The following VWF variants were observed in gnomAD, a reference collection of about 807,000 sequenced individuals.
The protein encoded by VWF is Factor VIII related antigen.
Under a neutral mutation model 308.6 loss-of-function variants are expected in VWF, and 176 were observed. That is an observed-to-expected ratio of 0.57 (90% CI 0.50 to 0.65). VWF has a LOEUF of 0.65. Among genes scored for constraint, VWF ranks in the 30% least tolerant of loss-of-function variants. VWF has a pLI of 0.00. For missense variants in VWF, 3,146 were observed against 3,648.2 expected, an observed-to-expected ratio of 0.86 and a Z score of 3.55; for synonymous variants, 1,385 against 1,443.4, an observed-to-expected ratio of 0.96 and a Z score of 0.92.
intron 20 of VWF, among the ~76,000 whole-genome samples, chr12:6,033,288 G>A (rs1944293385): frequency 6.6e-6 from 1 of 152,182 alleles, no homozygotes; most frequent in African/African-American, 2.4e-5. Flanking sequence ...AAAGGGGAGG[G>A]GCCCCAGGAC....
chr12:6,097,695 C>T (rs912026822), intron 5 of VWF, among the ~76,000 whole-genome samples: 1 of 152,134 alleles, frequency 6.6e-6, no homozygotes, highest in Non-Finnish European at 1.5e-5. Flanking sequence ...GAATAAATTT[C>T]AGTTGTTTCA....
At chr12:5,977,280 C>T (rs1490629529) in intron 42 of VWF, among the ~76,000 whole-genome samples, 6 of 152,202 alleles carry the variant, frequency 3.9e-5, no homozygotes, top group South Asian at 2.1e-4. Flanking sequence ...CAGATGCACA[C>T]GGCTGTTTGT....
At chr12:6,062,262 G>A (rs906384351) in intron 13 of VWF, among the ~76,000 whole-genome samples, 6 of 152,174 alleles carry the variant, frequency 3.9e-5, no homozygotes, top group South Asian at 2.1e-4. Context: ...GCCATGACAC[G>A]GTTGGTGGGG....
In VWF at chr12:6,064,384, A is replaced by T; in HGVS notation, c.1294T>A (p.Cys432Ser). 1 of 1,614,050 alleles carries T rather than the reference A, an allele frequency of 6.2e-7. No individual in the cohort carries two copies. The highest frequency in any genetic ancestry group is 8.5e-7 in the Non-Finnish European group (1 of 1,180,018). ...SFSIVIETVQ[C>S]ADDRDAVCTR... ...CACACAGCGTCGCGGTCATCAGCAC[A>T]CTGCCAAGAGGGAACACAGGGTGAC... The change falls in exon 12 of 52, where the codon TGT becomes AGT. Residue 432 changes from cysteine (C) to serine (S), a missense_variant and splice_region_variant. Transcript: ENST00000261405.
chr12:6,082,682 T>A (rs1944926855), intron 6 of VWF, among the ~76,000 whole-genome samples: 1 of 152,284 alleles, frequency 6.6e-6, no homozygotes, highest in Non-Finnish European at 1.5e-5. Context: ...CCAGTTTCTG[T>A]AAGTCACTTG....
chr12:5,994,320 C>G, intron 36 of VWF, 95 bp downstream of exon 36: 1 of 1,591,530 alleles, frequency 6.3e-7, no homozygotes, highest in Non-Finnish European at 8.6e-7. Flanking sequence ...GCTACTAGAC[C>G]CTGAAATATA....
At chr12:5,975,444 C>T (rs1388492161) in intron 43 of VWF, among the ~76,000 whole-genome samples, 1 of 152,196 alleles carries the variant, frequency 6.6e-6, no homozygotes, top group Non-Finnish European at 1.5e-5. Context: ...TCTGATCCAT[C>T]CTAAACATGC....
chr12:6,063,134 TG>T lies in VWF; in HGVS notation c.1433-81del. On this transcript the variant is annotated intron_variant, in intron 12 of 51. Transcript: ENST00000261405. The surrounding 1 kb of genome is among the most constrained non-coding windows in gnomAD (Gnocchi z 4.9). ...GCAGGCAGATGTATTTGGGAGGAAA[TG>T]GGGTGTCTCAAAAGGATGGTAGCAC... 1 of 1,177,484 alleles carries T rather than the reference TG, an allele frequency of 8.5e-7. No homozygotes were observed. 72.9% of individuals were successfully genotyped at this position (1,177,484 alleles called of 1,614,324 possible).
rs775479826 is a variant in VWF at position 6,044,431 on chromosome 12, G to A, written c.2302C>T (p.Arg768Trp). ...CACACCAGCTTGACCATGGGGGGCC[G>A]ACAGGATAGGCTCCTTTTGCCTCGA... Reference protein sequence around the residue: ...SHRSKRSLSCRPPMVKLVCPA... With the variant: ...SHRSKRSLSCWPPMVKLVCPA... Residue 768 changes from arginine (R) to tryptophan (W), a missense_variant, in exon 18 of 52, where the codon CGG (arginine) becomes TGG (tryptophan). By Grantham distance (101) the Arg-to-Trp change is moderately radical. This residue lies in a region of VWF where 1,304 missense variants were observed against 1,353.0 expected (regional missense o/e 0.96). Transcript: ENST00000261405. 1.1e-5 allele frequency: 18 copies of A among 1,614,142 alleles called. No individual in the cohort carries two copies. The highest frequency in any genetic ancestry group is 1.3e-5 in the Non-Finnish European group (15 of 1,180,022).
At chr12:6,110,341 A>G (rs771415827) in intron 5 of VWF, 33 bp downstream of exon 5, 2 of 1,607,208 alleles carry the variant, frequency 1.2e-6, no homozygotes, top group Non-Finnish European at 1.7e-6. Flanking sequence ...GCATGGCCAC[A>G]CTTTAGGGAA....
intron 16 of VWF, among the ~76,000 whole-genome samples, chr12:6,048,828 G>A (rs1013258951): frequency 1.1e-4 from 17 of 152,218 alleles, no homozygotes. Flanking sequence ...GAATAAACAA[G>A]AGAATCAGCC....
At chr12:6,102,740 A>G (rs968726290) in intron 5 of VWF, among the ~76,000 whole-genome samples, 4 of 152,062 alleles carry the variant, frequency 2.6e-5, no homozygotes, top group African/African-American at 9.7e-5. Flanking sequence ...TCTCAAAAAA[A>G]AAAAAAAATT....
At chr12:5,983,532 G>A (rs565053090) in intron 40 of VWF, among the ~76,000 whole-genome samples, 37 of 152,182 alleles carry the variant, frequency 2.4e-4, no homozygotes, top group African/African-American at 8.9e-4. Context: ...TAGATAGATA[G>A]ATAGATAGAT....
chr12:6,059,179 ATGT>A (rs944893798), intron 13 of VWF, among the ~76,000 whole-genome samples: 1 of 152,100 alleles, frequency 6.6e-6, no homozygotes, highest in South Asian at 2.1e-4. Flanking sequence ...CAAATACCAA[ATGT>A]TGTCACATTA....
Position 6,064,392 on chromosome 12 carries a change from G to A in VWF, c.1294-8C>T, listed in dbSNP as rs1944689197. On this transcript the variant is annotated splice_region_variant and splice_polypyrimidine_tract_variant and intron_variant, in intron 11 of 51. Coordinates refer to ENST00000261405, the MANE Select transcript of VWF (RefSeq NM_000552.5). ...GTCGCGGTCATCAGCACACTGCCAA[G>A]AGGGAACACAGGGTGACTTTGCTGC... 2 of 1,613,924 alleles carry A rather than the reference G, an allele frequency of 1.2e-6. No homozygotes were observed. The highest frequency in any genetic ancestry group is 3.3e-5 in the Admixed American group (2 of 60,008).
rs1312683059 is a variant in VWF, at chr12:6,103,410, ACACACG to A, written c.532+6958_532+6963del. Reference sequence around the variant, plus strand: ...CGTGTGTGTATACACGTGTGTGTATACACACGTGTGTGTATACACACGTGTGTATAT... The same window carrying A: ...CGTGTGTGTATACACGTGTGTGTATATGTGTGTATACACACGTGTGTATAT... On this transcript the variant is annotated intron_variant, in intron 5 of 51. Coordinates refer to ENST00000261405, the MANE Select transcript of VWF (RefSeq NM_000552.5). Among the ~76,000 whole-genome samples, 91 of 103,162 alleles carry A rather than the reference ACACACG, an allele frequency of 8.8e-4. 2 individuals are homozygous for A. In the African/African-American group the frequency reaches 9.4e-3, roughly 11 times the overall value. 67.7% of individuals were successfully genotyped at this position (103,162 alleles called of 152,430 possible).
At chr12:6,039,696 C>T (rs1437618044) in intron 18 of VWF, among the ~76,000 whole-genome samples, 2 of 151,988 alleles carry the variant, frequency 1.3e-5, no homozygotes, top group African/African-American at 4.8e-5. Context: ...TGAAACAGGC[C>T]CTTCTTTGGA....
At chr12:6,059,525 G>A (rs895601316) in intron 13 of VWF, among the ~76,000 whole-genome samples, 5 of 152,324 alleles carry the variant, frequency 3.3e-5, no homozygotes, top group Middle Eastern at 3.4e-3. Flanking sequence ...GGAAGTCCAA[G>A]ATGAAGGCAT....
At position 5,952,415 on chromosome 12, in the gene VWF, A is replaced by C; in HGVS notation, c.8091T>G (p.Asp2697Glu). The C allele has an allele frequency of 6.2e-7, 1 of 1,614,122 alleles. No individual in the cohort carries two copies. Among genetic ancestry groups the C allele is most frequent in the South Asian group, 1.1e-5 (1 of 91,090 alleles). Residue 2697 changes from aspartate (D) to glutamate (E), a missense_variant, in exon 49 of 52, where the codon GAT becomes GAG. Asp to Glu is a conservative substitution (Grantham distance 45). Coordinates refer to ENST00000261405, the MANE Select transcript of VWF (RefSeq NM_000552.5). Reference protein sequence around the residue: ...EKRVTGCPPFDEHKCLAEGGK... With the variant: ...EKRVTGCPPFEEHKCLAEGGK... The stretch of plus-strand genomic sequence containing the variant: ...CTCCCTCAGCCAGACACTTGTGTTC[A>C]TCAAAGGGTGGGCAGCCTGTGACCC...
Sources: allele counts gnomAD v4.1 joint callset (sites outside exome capture counted in the v4.1 genomes callset), GRCh38; gene constraint gnomAD v4.1.1; regional missense constraint gnomAD v4.1.1; non-coding constraint Gnocchi (gnomAD v3.1); transcripts MANE v1.5; gene names NCBI Gene and HGNC (gene_info 2026-07-23, HGNC 2026-07-21).